MARCHF1: variants seen among roughly 807,000 people sequenced by gnomAD.
The protein encoded by MARCHF1 is membrane associated ring-CH-type finger 1.
A neutral mutation model predicts 54.2 loss-of-function variants in MARCHF1; 40 were observed. The ratio of observed to expected loss-of-function variants is 0.74; its 90% CI spans 0.57 to 0.96. MARCHF1 has a LOEUF of 0.96. Among genes scored for constraint, MARCHF1 ranks in the 40% least tolerant of loss-of-function variants. The pLI is 0.00. For synonymous variants in MARCHF1, 236 were observed against 236.3 expected (o/e 1.00, Z 0.01); for missense variants, 586 against 656.5 (o/e 0.89, Z 1.17).
chr4:164,276,510 T>C (rs1166767088), intron 1 of MARCHF1, among the ~76,000 whole-genome samples: 1 of 151,678 alleles, frequency 6.6e-6, no homozygotes, highest in Admixed American at 6.6e-5. Context: ...ACACACACTA[T>C]ATGTGGACAT....
chr4:163,569,135 A>T (rs1181975886), intron 8 of MARCHF1, among the ~76,000 whole-genome samples: 1 of 152,132 alleles, frequency 6.6e-6, no homozygotes, highest in Non-Finnish European at 1.5e-5. Flanking sequence ...GCTGCATAGC[A>T]ATCTGTGTAC....
intron 3 of MARCHF1, among the ~76,000 whole-genome samples, chr4:163,922,494 C>T (rs1254152321): frequency 2.0e-5 from 3 of 152,184 alleles, no homozygotes; most frequent in Non-Finnish European, 4.4e-5. Context: ...CAAAATATCT[C>T]TGGCAGTCAG....
intron 2 of MARCHF1, among the ~76,000 whole-genome samples, chr4:164,034,471 G>A (rs1381001354): frequency 6.6e-6 from 1 of 152,090 alleles, no homozygotes; most frequent in Non-Finnish European, 1.5e-5. Flanking sequence ...CCACTACTAG[G>A]TATGTACCCA....
intron 7 of MARCHF1, among the ~76,000 whole-genome samples, chr4:163,602,022 A>C (rs2110889670): frequency 6.6e-6 from 1 of 152,190 alleles, no homozygotes; most frequent in Non-Finnish European, 1.5e-5. Context: ...AAAACTGCTA[A>C]GAACAAGGCA....
chr4:164,167,005 C>T (rs1029152188), intron 1 of MARCHF1, among the ~76,000 whole-genome samples: 35 of 150,552 alleles, frequency 2.3e-4, no homozygotes, highest in African/African-American at 8.6e-4. Flanking sequence ...AGCTTATATA[C>T]TCTCAGACTC....
chr4:163,533,455 CAT>C lies in MARCHF1; in HGVS notation c.1340-4411_1340-4410del, dbSNP rs374704953. Among the ~76,000 whole-genome samples, 128 of 151,812 alleles carry C rather than the reference CAT, an allele frequency of 8.4e-4. 1 individual carries two copies. The highest frequency in any genetic ancestry group is 3.4e-3 in the Middle Eastern group (1 of 292). On this transcript the variant is annotated intron_variant, in intron 9 of 9. Transcript: ENST00000514618. ...AGGACGTTACACGTTTGTCAAAACT[CAT>C]AGAACTGTACAACACAAAGAGTGAG...
chr4:164,376,061 T>TA (rs1341347127), intron 1 of MARCHF1, among the ~76,000 whole-genome samples: 2 of 152,142 alleles, frequency 1.3e-5, no homozygotes, highest in East Asian at 3.9e-4. Context: ...TTCACAGAAA[T>TA]AAAAAGCTCC....
chr4:163,818,247 T>G (rs938366121), intron 4 of MARCHF1, among the ~76,000 whole-genome samples: 1 of 152,114 alleles, frequency 6.6e-6, no homozygotes, highest in African/African-American at 2.4e-5. Context: ...AATGTTTTCT[T>G]TTTCTATTAT....
intron 3 of MARCHF1, among the ~76,000 whole-genome samples, chr4:163,899,924 G>A (rs1447197737): frequency 6.6e-6 from 1 of 151,112 alleles, no homozygotes; most frequent in Non-Finnish European, 1.5e-5. Flanking sequence ...GCCAAGTTAG[G>A]CCTTTGCAAT....
chr4:163,700,885 A>T, intron 4 of MARCHF1, 22 bp from the exon 5 acceptor site: 1 of 1,514,756 alleles, frequency 6.6e-7, no homozygotes, highest in South Asian at 1.2e-5. Flanking sequence ...AATGGGAAAC[A>T]TTAATTAAAA....
chr4:163,907,602 T>A (rs1477219648), intron 3 of MARCHF1, among the ~76,000 whole-genome samples: 1 of 152,106 alleles, frequency 6.6e-6, no homozygotes, highest in East Asian at 1.9e-4. Flanking sequence ...ACTTCTCAGT[T>A]GAATTTTTAA....
chr4:163,866,484 T>TATATAAA (rs1750053069), intron 3 of MARCHF1, among the ~76,000 whole-genome samples: 1 of 53,818 alleles, frequency 1.9e-5, no homozygotes, highest in African/African-American at 4.4e-5. Flanking sequence ...ATATATATAA[T>TATATAAA]AGGACTGTAG....
rs1738096945 is a variant in MARCHF1, at chr4:163,526,159, T to C, written c.*2589A>G. The C allele has an allele frequency of 6.6e-6, 1 of 152,096 alleles. No homozygotes were observed. The highest frequency in any genetic ancestry group is 2.1e-4 in the South Asian group (1 of 4,834). The allele number at this position is 152,096 out of a possible 1,614,324, so 9.4% of individuals were successfully genotyped here. On this transcript the variant is annotated 3_prime_UTR_variant, in exon 10 of 10. Transcript: ENST00000514618. ...TATAGTTTTAAAATCCCATGTCCTC[T>C]TTTACTATTAATAGAATAATGCTTA...
chr4:163,684,178 C>T (rs1222365701), intron 5 of MARCHF1, among the ~76,000 whole-genome samples: 2 of 152,100 alleles, frequency 1.3e-5, no homozygotes, highest in African/African-American at 4.8e-5. Flanking sequence ...CAAAGGTTCG[C>T]CTAGTTTCAA....
chr4:164,076,829 T>C (rs1754991643), intron 2 of MARCHF1, among the ~76,000 whole-genome samples: 1 of 152,084 alleles, frequency 6.6e-6, no homozygotes. Flanking sequence ...TTACAGGGTA[T>C]GTGAAGGACC....
intron 3 of MARCHF1, among the ~76,000 whole-genome samples, chr4:163,929,033 ATTT>A (rs1270965210): frequency 2.0e-5 from 3 of 152,004 alleles, no homozygotes; most frequent in Non-Finnish European, 4.4e-5. Flanking sequence ...ACCAAAACAT[ATTT>A]GAGATTTAAA....
chr4:164,264,305 C>T (rs1009666816), intron 1 of MARCHF1, among the ~76,000 whole-genome samples: 13 of 151,900 alleles, frequency 8.6e-5, no homozygotes, highest in African/African-American at 1.9e-4. Flanking sequence ...ATGAACACAA[C>T]GAATAAAACA....
chr4:163,892,633 A>T (rs1054860569), intron 3 of MARCHF1, among the ~76,000 whole-genome samples: 21 of 150,284 alleles, frequency 1.4e-4, no homozygotes, highest in African/African-American at 2.9e-4. Context: ...AAAAAAAATT[A>T]AAAAAAAATA....
chr4:163,955,246 T>C (rs940668772), intron 3 of MARCHF1, among the ~76,000 whole-genome samples: 1 of 149,932 alleles, frequency 6.7e-6, no homozygotes, highest in Admixed American at 6.7e-5. Flanking sequence ...AAACACAGTG[T>C]TCTGGATAAA....
Sources: gnomAD v4.1 joint callset for allele counts (sites outside exome capture counted in the v4.1 genomes callset) on GRCh38, gnomAD v4.1.1 for gene constraint, MANE v1.5 for transcripts, NCBI Gene and HGNC (gene_info 2026-07-23, HGNC 2026-07-21) for gene names.